The following KPNA1 variants were observed in gnomAD, a reference collection of about 807,000 sequenced individuals.
The protein encoded by KPNA1 is importin subunit alpha-5.
In KPNA1, 10 loss-of-function variants were observed where a neutral mutation model predicts 70.5. The ratio of observed to expected loss-of-function variants is 0.14; its 90% CI spans 0.09 to 0.24. The LOEUF is 0.24. KPNA1 is among the 10% of genes least tolerant of loss of function. The probability of loss-of-function intolerance (pLI) is 1.00; values close to 1 mark genes in which losing one functional copy is unlikely to be tolerated. For synonymous variants in KPNA1, 192 were observed against 221.9 expected (o/e 0.87, Z 1.20); for missense variants, 397 against 637.9 (o/e 0.62, Z 4.07).
At chr3:122,442,010 A>C in intron 10 of KPNA1, 28 bp downstream of exon 10, 1 of 1,490,464 alleles carries the variant, frequency 6.7e-7, no homozygotes, top group Non-Finnish European at 9.3e-7. Flanking sequence ...TTTTTAAAGG[A>C]CAAAAAAAAG....
intron 12 of KPNA1, among the ~76,000 whole-genome samples, chr3:122,430,965 T>C (rs2075897431): frequency 6.6e-6 from 1 of 152,186 alleles, no homozygotes; most frequent in South Asian, 2.1e-4. Context: ...CCAAAAACAC[T>C]GCATTCTCTC....
At chr3:122,443,005 C>T (rs2076085414) in intron 9 of KPNA1, 1 of 152,334 alleles carries the variant, frequency 6.6e-6, no homozygotes, top group African/African-American at 2.4e-5. Context: ...AGGGCGTCGC[C>T]TCACCCAGGA....
At chr3:122,459,344 G>A (rs1457581826) in intron 5 of KPNA1, 1 of 862,244 alleles carries the variant, frequency 1.2e-6, no homozygotes, top group Non-Finnish European at 1.4e-6. Context: ...AAAACCGCCA[G>A]ATCAAGGAGT....
chr3:122,481,679 T>C (rs2076572540), intron 2 of KPNA1, among the ~76,000 whole-genome samples: 1 of 152,240 alleles, frequency 6.6e-6, no homozygotes. Flanking sequence ...GTACAGCGTG[T>C]GAATTATATC....
intron 1 of KPNA1, among the ~76,000 whole-genome samples, chr3:122,512,321 GAAGAA>G (rs1412390438): frequency 2.0e-5 from 3 of 152,156 alleles, no homozygotes; most frequent in Admixed American, 6.5e-5. Flanking sequence ...AGATATTAAT[GAAGAA>G]AAGATGTTTT....
chr3:122,468,344 C>T (rs1417411244), intron 2 of KPNA1, among the ~76,000 whole-genome samples: 1 of 151,922 alleles, frequency 6.6e-6, no homozygotes, highest in Non-Finnish European at 1.5e-5. Flanking sequence ...GAGTACAACA[C>T]AAAAAGAACA....
intron 4 of KPNA1, among the ~76,000 whole-genome samples, chr3:122,463,331 G>C (rs900573727): frequency 1.4e-5 from 2 of 138,896 alleles, no homozygotes; most frequent in African/African-American, 5.4e-5. Flanking sequence ...CTGGGCGACA[G>C]AGTGAGACTC....
intron 2 of KPNA1, among the ~76,000 whole-genome samples, chr3:122,476,526 G>T (rs1481963015): frequency 2.0e-5 from 3 of 152,042 alleles, no homozygotes; most frequent in African/African-American, 7.2e-5. Context: ...CATCAGATAA[G>T]GGGTTAATAT....
rs2075776739 is a variant in KPNA1 at position 122,422,752 on chromosome 3, T to C, written c.*4233A>G. 6.6e-6 allele frequency: 1 copy of C among 152,200 alleles called. No individual in the cohort carries two copies. The allele number at this position is 152,200 out of a possible 1,614,324, so 9.4% of individuals were successfully genotyped here. A position where few individuals can be genotyped will look rare whatever the true frequency, so the allele number is the denominator to read the frequency against. On this transcript the variant is annotated 3_prime_UTR_variant, in exon 14 of 14. Transcript: ENST00000344337. Reference sequence around the variant, plus strand: ...ATATAGTGACAATTATCAAAGAACATTTGGAAGACTACATGAGAAAAAAGG... The same window carrying C: ...ATATAGTGACAATTATCAAAGAACACTTGGAAGACTACATGAGAAAAAAGG...
chr3:122,510,341 G>A (rs963238453), intron 1 of KPNA1, among the ~76,000 whole-genome samples: 1 of 152,128 alleles, frequency 6.6e-6, no homozygotes, highest in Non-Finnish European at 1.5e-5. Flanking sequence ...GAAGTCCCTG[G>A]ATAACAACTA....
At chr3:122,461,152 C>T (rs1045930101) in intron 5 of KPNA1, 72 bp downstream of exon 5, 2 of 934,748 alleles carry the variant, frequency 2.1e-6, no homozygotes, top group African/African-American at 1.7e-5. Flanking sequence ...AAATTAGTAA[C>T]AAATTTGTGT....
intron 1 of KPNA1, among the ~76,000 whole-genome samples, chr3:122,502,481 A>C (rs1576347974): frequency 6.6e-6 from 1 of 152,222 alleles, no homozygotes; most frequent in African/African-American, 2.4e-5. Context: ...TGCAAGCAAA[A>C]GAGTGCCCAG....
chr3:122,475,051 A>AG (rs1462730263), intron 2 of KPNA1, among the ~76,000 whole-genome samples: 1 of 152,214 alleles, frequency 6.6e-6, no homozygotes, highest in Non-Finnish European at 1.5e-5. Flanking sequence ...TAAATTAAAA[A>AG]GGAAGAAATG....
rs188549618 is a variant in KPNA1 at position 122,457,918 on chromosome 3, A to T, written c.432+3306T>A. ...CCAGATAGCAAACTCTGCAGAGAAC[A>T]GTGCCTGAGTCATCTGAGCAACTTT... On this transcript the variant is annotated intron_variant, in intron 5 of 13. Coordinates refer to ENST00000344337, the MANE Select transcript of KPNA1 (RefSeq NM_002264.4). 1,279 of 1,224,738 alleles carry T rather than the reference A, an allele frequency of 1.0e-3. 1 individual carries two copies. The highest frequency in any genetic ancestry group is 1.3e-3 in the Non-Finnish European group (1,193 of 953,592). 75.9% of individuals were successfully genotyped at this position (1,224,738 alleles called of 1,614,324 possible). A position where few individuals can be genotyped will look rare whatever the true frequency, so the allele number is the denominator to read the frequency against.
At chr3:122,477,261 T>A (rs147725619) in intron 2 of KPNA1, among the ~76,000 whole-genome samples, 1 of 152,100 alleles carries the variant, frequency 6.6e-6, no homozygotes, top group East Asian at 1.9e-4. Flanking sequence ...TGTTAATAAG[T>A]GTGGAGGGCT....
intron 1 of KPNA1, among the ~76,000 whole-genome samples, chr3:122,503,292 T>TA (rs2076851571): frequency 6.6e-6 from 1 of 151,750 alleles, no homozygotes; most frequent in African/African-American, 2.4e-5. Context: ...GAATAAATGA[T>TA]AAATAAGGCA....
intron 5 of KPNA1, chr3:122,459,353 G>T (rs1444370995): frequency 5.5e-6 from 5 of 911,524 alleles, no homozygotes; most frequent in Non-Finnish European, 5.2e-6. Context: ...AGATCAAGGA[G>T]TAAATTCAGT....
intron 1 of KPNA1, among the ~76,000 whole-genome samples, chr3:122,507,710 G>A (rs1025274212): frequency 6.6e-6 from 1 of 151,122 alleles, no homozygotes; most frequent in Admixed American, 6.6e-5. Context: ...CTTTATGAAG[G>A]AGAAAAATTA....
At chr3:122,428,570 A>G (rs2075854657) in intron 12 of KPNA1, among the ~76,000 whole-genome samples, 1 of 152,234 alleles carries the variant, frequency 6.6e-6, no homozygotes, top group Non-Finnish European at 1.5e-5. Flanking sequence ...CATGGATATT[A>G]AAAGGATAAT....
Sources: allele counts gnomAD v4.1 joint callset (sites outside exome capture counted in the v4.1 genomes callset), GRCh38; gene constraint gnomAD v4.1.1; transcripts MANE v1.5; gene names NCBI Gene and HGNC (gene_info 2026-07-23, HGNC 2026-07-21).